Variants in EFCAB5 observed in about 807,000 individuals in gnomAD.
EFCAB5 encodes the protein EF-hand calcium-binding domain-containing protein 5.
In EFCAB5, 131 loss-of-function variants were observed where a neutral mutation model predicts 167.9. The observed-to-expected ratio is 0.78, with a 90% CI of 0.68 to 0.90. The LOEUF (loss-of-function observed/expected upper bound fraction) is 0.90, where lower values mean the gene tolerates loss of function less well. Among genes scored for constraint, EFCAB5 ranks in the 40% least tolerant of loss-of-function variants. The probability of loss-of-function intolerance (pLI) is 0.00; values close to 1 mark genes in which losing one functional copy is unlikely to be tolerated. For synonymous variants in EFCAB5, 574 were observed against 602.8 expected (o/e 0.95, Z 0.70); for missense variants, 1,663 against 1,745.2 (o/e 0.95, Z 0.84).
intron 3 of EFCAB5, among the ~76,000 whole-genome samples, chr17:29,966,443 C>G (rs893998640): frequency 6.6e-6 from 1 of 151,972 alleles, no homozygotes; most frequent in African/African-American, 2.4e-5. Context: ...CCAGCCTAAG[C>G]AACATAGTAA....
intron 2 of EFCAB5, 114 bp downstream of exon 2, chr17:29,942,416 A>G (rs2067312839): frequency 2.1e-6 from 2 of 962,050 alleles, no homozygotes; most frequent in Admixed American, 6.5e-5. Context: ...TAAAATTGCA[A>G]AAGGAAAAGG....
rs548401579 is a variant in EFCAB5 at position 29,968,955 on chromosome 17, T to A, written c.355T>A (p.Phe119Ile). ...AGAGCACACATGGAAGAAAAACCTT[T>A]TTGAAAGAATGGAGGCAAGAGCCCA... ...KPEHTWKKNL[F>I]ERMEARAQAM... Residue 119 changes from phenylalanine to isoleucine, a missense_variant, in exon 4 of 23, where the codon TTT becomes ATT. Physicochemically the swap from Phe to Ile is conservative, Grantham distance 21. Coordinates refer to ENST00000394835, the MANE Select transcript of EFCAB5 (RefSeq NM_198529.4). The A allele has an allele frequency of 1.1e-4, 170 of 1,588,766 alleles. 1 individual carries two copies. The South Asian group carries it at 1.7e-3, about 16-fold the overall frequency.
intron 14 of EFCAB5, among the ~76,000 whole-genome samples, chr17:30,061,654 C>T (rs2070429784): frequency 6.6e-6 from 1 of 152,144 alleles, no homozygotes; most frequent in African/African-American, 2.4e-5. Flanking sequence ...TGGCTCACTC[C>T]AGCCTCTATC....
intron 6 of EFCAB5, among the ~76,000 whole-genome samples, chr17:29,999,601 C>T (rs983983976): frequency 1.3e-4 from 20 of 152,108 alleles, no homozygotes; most frequent in Admixed American, 1.2e-3. Context: ...TAGCATAAAC[C>T]AACACAGATG....
intron 14 of EFCAB5, among the ~76,000 whole-genome samples, chr17:30,071,506 C>T (rs2070736511): frequency 6.6e-6 from 1 of 151,676 alleles, no homozygotes; most frequent in Non-Finnish European, 1.5e-5. Context: ...ATAACAAATG[C>T]TGGCGAGGAT....
At chr17:29,965,236 T>A (rs543327140) in intron 3 of EFCAB5, among the ~76,000 whole-genome samples, 2 of 152,302 alleles carry the variant, frequency 1.3e-5, no homozygotes, top group Non-Finnish European at 2.9e-5. Flanking sequence ...GTGTATTTAT[T>A]TTCATTTGTC....
intron 3 of EFCAB5, among the ~76,000 whole-genome samples, chr17:29,958,257 C>T (rs762923021): frequency 6.6e-6 from 1 of 152,172 alleles, no homozygotes; most frequent in East Asian, 1.9e-4. Context: ...TCTCTACCTT[C>T]TCTTTAAGGT....
At chr17:29,952,756 T>A (rs1162849272) in intron 3 of EFCAB5, among the ~76,000 whole-genome samples, 2 of 152,152 alleles carry the variant, frequency 1.3e-5, no homozygotes, top group Non-Finnish European at 2.9e-5. Context: ...AAATTCAGAA[T>A]AGTCTATCTC....
chr17:29,934,241 TAAA>T (rs1367227365), intron 1 of EFCAB5, among the ~76,000 whole-genome samples: 1 of 152,156 alleles, frequency 6.6e-6, no homozygotes, highest in Non-Finnish European at 1.5e-5. Flanking sequence ...AAGTAGGTGA[TAAA>T]AAAACTTTTA....
intron 7 of EFCAB5, 70 bp downstream of exon 7, chr17:30,000,046 C>A: frequency 9.0e-7 from 1 of 1,111,546 alleles, no homozygotes; most frequent in Non-Finnish European, 1.3e-6. Flanking sequence ...TGGTGGCTGT[C>A]ACACATCATT....
chr17:30,043,740 T>A (rs908212980), intron 8 of EFCAB5, among the ~76,000 whole-genome samples: 3 of 152,158 alleles, frequency 2.0e-5, no homozygotes, highest in African/African-American at 7.2e-5. Flanking sequence ...ATAAGAAAGA[T>A]CCTTTATTGT....
intron 16 of EFCAB5, 70 bp from the exon 17 acceptor site, chr17:30,080,683 A>C (rs2070970624): frequency 8.7e-7 from 1 of 1,146,952 alleles, no homozygotes; most frequent in Non-Finnish European, 1.2e-6. Flanking sequence ...GAATCGCTCT[A>C]GTTTCCTCCA....
At chr17:29,988,605 T>C (rs1240255289) in intron 4 of EFCAB5, among the ~76,000 whole-genome samples, 1 of 152,240 alleles carries the variant, frequency 6.6e-6, no homozygotes, top group East Asian at 1.9e-4. Flanking sequence ...AGTTTTGTTT[T>C]TAGGAAAATG....
chr17:29,931,295 A>C (rs2067190739), intron 1 of EFCAB5, among the ~76,000 whole-genome samples: 1 of 152,186 alleles, frequency 6.6e-6, no homozygotes, highest in Admixed American at 6.5e-5. Context: ...TTTGTCACTC[A>C]AACACTCTTG....
chr17:30,030,436 C>T (rs569465885), intron 7 of EFCAB5, among the ~76,000 whole-genome samples: 4 of 152,152 alleles, frequency 2.6e-5, no homozygotes, highest in Admixed American at 6.5e-5. Flanking sequence ...CTCTGCCTCC[C>T]GGGTTCAAGC....
chr17:29,979,763 C>A lies in EFCAB5; in HGVS notation c.767+10396C>A, dbSNP rs147763987. Among the ~76,000 whole-genome samples, 24 of 152,268 alleles carry A rather than the reference C, an allele frequency of 1.6e-4. No homozygotes were observed. In the East Asian group the frequency reaches 4.4e-3, roughly 28 times the overall value. Reference sequence around the variant, plus strand: ...TGTAATGTAATTGTTATTTACCTTCCCATAATCCCTTTGAAGACAAGGGCT... The same window carrying A: ...TGTAATGTAATTGTTATTTACCTTCACATAATCCCTTTGAAGACAAGGGCT... On this transcript the variant is annotated intron_variant, in intron 4 of 22. Coordinates refer to ENST00000394835, the MANE Select transcript of EFCAB5 (RefSeq NM_198529.4).
In EFCAB5 at chr17:29,978,348, T is replaced by C. The variant is rs75104279; in HGVS notation, c.767+8981T>C. On this transcript the variant is annotated intron_variant, in intron 4 of 22. Transcript: ENST00000394835. ...CAAATGACTGTTACATCCAATGGAATTGTGGTAGGACTTTATCCAAACAGG... is the reference window on the plus strand; with the variant it reads ...CAAATGACTGTTACATCCAATGGAACTGTGGTAGGACTTTATCCAAACAGG... Among the ~76,000 whole-genome samples the C allele has an allele frequency of 4.1e-3, 625 of 152,336 alleles. 5 individuals carry two copies. Among genetic ancestry groups the C allele is most frequent in the African/African-American group, 0.014 (593 of 41,578 alleles).
intron 7 of EFCAB5, among the ~76,000 whole-genome samples, chr17:30,025,169 G>A (rs1159375174): frequency 2.0e-5 from 3 of 151,898 alleles, no homozygotes; most frequent in African/African-American, 7.3e-5. Flanking sequence ...TTGACAAATG[G>A]GATCTAATTA....
chr17:29,968,440 AGG>A, intron 3 of EFCAB5: 1 of 396,036 alleles, frequency 2.5e-6, no homozygotes, highest in Non-Finnish European at 4.9e-6. Context: ...GAGCCTCAAG[AGG>A]AGAAAAACCC....
Sources: allele counts gnomAD v4.1 joint callset (sites outside exome capture counted in the v4.1 genomes callset), GRCh38; gene constraint gnomAD v4.1.1; transcripts MANE v1.5; gene names NCBI Gene and HGNC (gene_info 2026-07-23, HGNC 2026-07-21).